The following ADAMTS14 variants were observed in gnomAD, a reference collection of about 807,000 sequenced individuals.
The protein encoded by ADAMTS14 is A disintegrin and metalloproteinase with thrombospondin motifs 14.
A neutral mutation model predicts 128.6 loss-of-function variants in ADAMTS14; 100 were observed. That is an observed-to-expected ratio of 0.78 (90% CI 0.66 to 0.92). ADAMTS14 has a LOEUF of 0.92. Among genes scored for constraint, ADAMTS14 ranks in the 40% least tolerant of loss-of-function variants. The pLI is 0.00. For synonymous variants in ADAMTS14, 665 were observed against 653.8 expected (o/e 1.02, Z -0.26); for missense variants, 1,562 against 1,658.6 (o/e 0.94, Z 1.01).
chr10:70,744,234 T>G (rs1316940590), intron 14 of ADAMTS14, 45 bp downstream of exon 14: 177 of 1,471,974 alleles, frequency 1.2e-4, no homozygotes, highest in Non-Finnish European at 6.2e-5. Context: ...CTGACTGGAG[T>G]TCTTGCCGTC....
chr10:70,677,643 C>T (rs1274374287), intron 2 of ADAMTS14, among the ~76,000 whole-genome samples: 1 of 152,146 alleles, frequency 6.6e-6, no homozygotes, highest in Non-Finnish European at 1.5e-5. Context: ...CAACATGTAC[C>T]CTGGCTGTTT....
rs368913926 is a variant in ADAMTS14 at position 70,695,925 on chromosome 10, G to A, written c.523-6387G>A. Among the ~76,000 whole-genome samples the A allele has an allele frequency of 7.2e-5, 11 of 152,348 alleles. No individual in the cohort carries two copies. The East Asian group carries it at 1.7e-3, about 24-fold the overall frequency. The stretch of plus-strand genomic sequence containing the variant: ...AGACCAGGACAAAGAAGTGATTGCT[G>A]GCTATGGCCATGTTGTGGTCACAGG... On this transcript the variant is annotated intron_variant, in intron 2 of 21. Transcript: ENST00000373207.
chr10:70,760,062 T>C (rs1187890497), intron 21 of ADAMTS14, among the ~76,000 whole-genome samples: 1 of 151,664 alleles, frequency 6.6e-6, no homozygotes, highest in Non-Finnish European at 1.5e-5. Context: ...TAGGGCTGGG[T>C]GGTGCTGGAG....
chr10:70,735,756 C>A (rs1272069625), intron 9 of ADAMTS14, among the ~76,000 whole-genome samples: 3 of 152,208 alleles, frequency 2.0e-5, no homozygotes, highest in Non-Finnish European at 4.4e-5. Flanking sequence ...GACATAGATA[C>A]AAGGGAGCAT....
In ADAMTS14 at chr10:70,674,705, C is replaced by T. The variant is rs538508973; in HGVS notation, c.232C>T (p.Arg78Ter). ...AGTGGACACGCCACCCACACTACCA[C>T]GACACTCCAGTCACCTCCGGGTGGC... Reference protein sequence around the residue: ...MVVDTPPTLPRHSSHLRVARS... With the variant: ...MVVDTPPTLP Residue 78 changes from arginine to a stop codon, truncating the protein, a stop_gained, in exon 2 of 22, where the codon CGA becomes TGA. Transcript: ENST00000373207. LOFTEE classifies it high-confidence loss of function. 4.0e-5 allele frequency: 64 copies of T among 1,613,452 alleles called. No homozygotes were observed. The highest frequency in any genetic ancestry group is 3.5e-4 in the Admixed American group (21 of 60,004).
At chr10:70,702,878 C>T (rs1209607966) in intron 3 of ADAMTS14, among the ~76,000 whole-genome samples, 4 of 152,104 alleles carry the variant, frequency 2.6e-5, no homozygotes, top group Non-Finnish European at 5.9e-5. Flanking sequence ...GGTGTCTGGG[C>T]GTCATGGTCA....
intron 4 of ADAMTS14, among the ~76,000 whole-genome samples, chr10:70,719,253 A>T (rs1275674874): frequency 6.6e-6 from 1 of 152,080 alleles, no homozygotes; most frequent in Non-Finnish European, 1.5e-5. Context: ...GCAGAGAATG[A>T]TGTGCTGGGA....
intron 15 of ADAMTS14, among the ~76,000 whole-genome samples, chr10:70,747,711 C>A (rs973557559): frequency 1.3e-5 from 2 of 152,148 alleles, no homozygotes; most frequent in African/African-American, 2.4e-5. Flanking sequence ...GCCTGTTTGT[C>A]GGGTGAGTTC....
At chr10:70,731,464 A>G (rs945838445) in intron 6 of ADAMTS14, among the ~76,000 whole-genome samples, 4 of 152,198 alleles carry the variant, frequency 2.6e-5, no homozygotes, top group African/African-American at 9.6e-5. Context: ...CTGCAGGCCT[A>G]GGCAGGGACA....
At position 70,672,873 on chromosome 10, in the gene ADAMTS14, G is replaced by A. The variant is rs765324734; in HGVS notation, c.71G>A (p.Ser24Asn). The A allele has an allele frequency of 2.0e-6, 3 of 1,498,484 alleles. No homozygotes were observed. The highest frequency in any genetic ancestry group is 8.9e-7 in the Non-Finnish European group (1 of 1,129,802). The allele number at this position is 1,498,484 out of a possible 1,614,324, so 92.8% of individuals were successfully genotyped here. Reference protein sequence around the residue: ...LHCALCAAAGSRTPELHLSGK... With the variant: ...LHCALCAAAGNRTPELHLSGK... ...TGTGCGCTCTGCGCCGCCGCGGGCA[G>A]CCGGACCCCAGGTGCGTGCGGGTTG... The change falls in exon 1 of 22, where the codon AGC becomes AAC. Residue 24 changes from serine (S) to asparagine (N), a missense_variant. By Grantham distance (46) the Ser-to-Asn change is conservative. Coordinates refer to ENST00000373207, the MANE Select transcript of ADAMTS14 (RefSeq NM_080722.4).
chr10:70,757,006 G>T (rs779669279), intron 19 of ADAMTS14, among the ~76,000 whole-genome samples: 6 of 152,068 alleles, frequency 3.9e-5, no homozygotes, highest in Admixed American at 2.0e-4. Context: ...TCGTAGTTCT[G>T]TGTGGCCCCA....
At chr10:70,729,225 C>T in intron 4 of ADAMTS14, 69 bp from the exon 5 acceptor site, 2 of 1,329,914 alleles carry the variant, frequency 1.5e-6, no homozygotes, top group Non-Finnish European at 2.2e-6. Context: ...GGTACCTACC[C>T]CAGTACCTGG....
intron 4 of ADAMTS14, among the ~76,000 whole-genome samples, chr10:70,712,475 T>G (rs1840892721): frequency 6.6e-6 from 1 of 152,192 alleles, no homozygotes; most frequent in African/African-American, 2.4e-5. Flanking sequence ...TGACTCCACA[T>G]TAATGAGGGA....
Position 70,736,778 on chromosome 10 carries a change from G to A in ADAMTS14, c.1584G>A (p.Glu528=). The change falls in exon 10 of 22, where the codon GAG becomes GAA. Residue 528 remains glutamate, a synonymous_variant. Transcript: ENST00000373207. The part of the protein sequence containing the change: ...TKKGPPLDGT[E]CAPGKWCFKG... ...AGGGGCCCCCGCTGGATGGGACTGA[G>A]TGTGCACCCGGCAAGGTACCTGTGG... 6.2e-7 allele frequency: 1 copy of A among 1,613,758 alleles called. No individual in the cohort carries two copies. The highest frequency in any genetic ancestry group is 8.5e-7 in the Non-Finnish European group (1 of 1,179,754).
At chr10:70,723,240 C>T (rs1197086621) in intron 4 of ADAMTS14, among the ~76,000 whole-genome samples, 4 of 152,130 alleles carry the variant, frequency 2.6e-5, no homozygotes, top group Non-Finnish European at 5.9e-5. Context: ...TGCTGGTCAT[C>T]AAAAACCAGA....
chr10:70,732,838 A>G (rs10823605), intron 7 of ADAMTS14, among the ~76,000 whole-genome samples: 136,837 of 152,302 alleles, frequency 0.9, 61,593 homozygotes, highest in East Asian at 1. Flanking sequence ...CTTAGGCGGT[A>G]GGCCAGGCAG....
intron 8 of ADAMTS14, among the ~76,000 whole-genome samples, chr10:70,734,550 C>T (rs1199270306): frequency 6.6e-6 from 1 of 152,180 alleles, no homozygotes; most frequent in Non-Finnish European, 1.5e-5. Context: ...GGGAGCTCCT[C>T]CTCTCCCCAC....
intron 2 of ADAMTS14, among the ~76,000 whole-genome samples, chr10:70,691,769 G>A (rs1490904422): frequency 6.6e-6 from 1 of 152,124 alleles, no homozygotes; most frequent in Non-Finnish European, 1.5e-5. Context: ...TGGTCTAGAT[G>A]GCCCTTGGTC....
chr10:70,696,494 T>C (rs1840335999), intron 2 of ADAMTS14, among the ~76,000 whole-genome samples: 1 of 151,986 alleles, frequency 6.6e-6, no homozygotes, highest in Admixed American at 6.5e-5. Context: ...GTGAGAACAG[T>C]AGGCACCTGT....
Sources: allele counts gnomAD v4.1 joint callset (sites outside exome capture counted in the v4.1 genomes callset), GRCh38; gene constraint gnomAD v4.1.1; transcripts MANE v1.5; gene names NCBI Gene and HGNC (gene_info 2026-07-23, HGNC 2026-07-21).